PRIM2: variants seen among roughly 807,000 people sequenced by gnomAD.
The protein encoded by PRIM2 is DNA primase large subunit.
Under a neutral mutation model 67.3 loss-of-function variants are expected in PRIM2, and 39 were observed. The observed-to-expected ratio is 0.58, with a 90% CI of 0.45 to 0.76. The LOEUF is 0.76. PRIM2 is among the 30% of genes least tolerant of loss of function. The pLI is 0.00. For synonymous variants in PRIM2, 143 were observed against 198.7 expected (o/e 0.72, Z 2.36); for missense variants, 398 against 598.7 (o/e 0.66, Z 3.50).
intron 13 of PRIM2, among the ~76,000 whole-genome samples, chr6:57,633,834 A>G (rs1398670441): frequency 6.6e-6 from 1 of 152,196 alleles, no homozygotes; most frequent in Non-Finnish European, 1.5e-5. Flanking sequence ...GATGGGGAGT[A>G]GCTGTAAATA....
the PRIM2 span, among the ~76,000 whole-genome samples, chr6:57,280,621 G>A: frequency 1.3e-5 from 2 of 151,812 alleles, no homozygotes; most frequent in South Asian, 2.1e-4. Context: ...GCGATTCTCC[G>A]GCCTCAGCCT....
intron 5 of PRIM2, among the ~76,000 whole-genome samples, chr6:57,357,871 G>A (rs1769084486): frequency 1.3e-5 from 2 of 152,230 alleles, no homozygotes; most frequent in African/African-American, 2.4e-5. Context: ...TGGGGTTACA[G>A]GCATGAGCCA....
chr6:57,417,533 A>G (rs1771307910), intron 7 of PRIM2, among the ~76,000 whole-genome samples: 1 of 152,202 alleles, frequency 6.6e-6, no homozygotes, highest in African/African-American at 2.4e-5. Flanking sequence ...CTCAGAGAAT[A>G]GGGAAGCTCT....
chr6:57,308,599 A>G, the PRIM2 span, among the ~76,000 whole-genome samples: 2 of 152,206 alleles, frequency 1.3e-5, no homozygotes, highest in Non-Finnish European at 2.9e-5. Flanking sequence ...TTACCAGGTA[A>G]TGCCACATTT....
chr6:57,288,735 A>G, the PRIM2 span, among the ~76,000 whole-genome samples: 1 of 152,234 alleles, frequency 6.6e-6, no homozygotes, highest in Non-Finnish European at 1.5e-5. Flanking sequence ...GAAAACTAAC[A>G]AACAGAAAGA....
intron 10 of PRIM2, among the ~76,000 whole-genome samples, chr6:57,566,080 C>G (rs1775732417): frequency 6.7e-6 from 1 of 149,860 alleles, no homozygotes; most frequent in Admixed American, 6.7e-5. Flanking sequence ...AGCCCATTAA[C>G]TTGAAGAAAT....
intron 5 of PRIM2, among the ~76,000 whole-genome samples, chr6:57,367,671 G>A (rs999056004): frequency 8.5e-5 from 13 of 152,210 alleles, no homozygotes; most frequent in Admixed American, 8.5e-4. Flanking sequence ...GTCTGGTCTA[G>A]GATGTCTAAG....
chr6:57,412,744 A>G (rs1771132352), intron 7 of PRIM2, among the ~76,000 whole-genome samples: 1 of 152,136 alleles, frequency 6.6e-6, no homozygotes, highest in South Asian at 2.1e-4. Flanking sequence ...GAGTTATGCA[A>G]CAGAAATATT....
At chr6:57,328,089 G>T (rs966343055) in intron 5 of PRIM2, among the ~76,000 whole-genome samples, 10 of 152,176 alleles carry the variant, frequency 6.6e-5, no homozygotes, top group African/African-American at 2.4e-4. Context: ...TGTGCAGCCT[G>T]GTTCCTAATG....
At chr6:57,310,985 C>A (rs558674867), upstream of PRIM2, among the ~76,000 whole-genome samples, 1 of 144,060 alleles carries the variant, frequency 6.9e-6, no homozygotes, top group Non-Finnish European at 1.5e-5. Context: ...GAAGGGCGGC[C>A]GGGCAGAGAC....
chr6:57,600,142 T>C (rs1776434413), intron 10 of PRIM2, among the ~76,000 whole-genome samples: 1 of 152,190 alleles, frequency 6.6e-6, no homozygotes. Flanking sequence ...TCCTACAAAA[T>C]GCCTGGCACC....
intron 1 of PRIM2, 125 bp from the exon 2 acceptor site, chr6:57,318,312 T>G: frequency 1.1e-6 from 1 of 905,856 alleles, no homozygotes; most frequent in East Asian, 2.7e-5. Context: ...ACTGCTAACA[T>G]TTTGTGCATG....
chr6:57,239,276 C>T, the PRIM2 span, among the ~76,000 whole-genome samples: 1 of 152,198 alleles, frequency 6.6e-6, no homozygotes, highest in Non-Finnish European at 1.5e-5. Context: ...CAGGTGTGAG[C>T]CACCATGGCT....
At position 57,579,950 on chromosome 6, in the gene PRIM2, A is replaced by C. The variant is rs1423080224; in HGVS notation, c.1021-21143A>C. 1.4e-4 allele frequency among the ~76,000 whole-genome samples: 21 copies of C among 152,264 alleles called. 1 individual carries two copies. Among genetic ancestry groups the C allele is most frequent in the African/African-American group, 4.3e-4 (18 of 41,530 alleles). ...AAGGTATAGTCTACTAATATAAGGC[A>C]ATTCTAAACCTTTATGCACCCAGAA... On this transcript the variant is annotated intron_variant, in intron 10 of 13. Transcript: ENST00000615550.
intron 8 of PRIM2, among the ~76,000 whole-genome samples, chr6:57,510,224 T>A (rs2127460555): frequency 1.3e-5 from 2 of 152,304 alleles, no homozygotes; most frequent in Admixed American, 1.3e-4. Context: ...AGACAGTATC[T>A]GGTGTATGAT....
chr6:57,539,419 T>C (rs1775086942), intron 10 of PRIM2, among the ~76,000 whole-genome samples: 2 of 152,284 alleles, frequency 1.3e-5, no homozygotes, highest in South Asian at 2.1e-4. Flanking sequence ...TTGAAAGTGA[T>C]GTAATTTGTT....
rs1338690843 is a variant in PRIM2 at position 57,475,192 on chromosome 6, C to CT, written c.694-32189dup. On this transcript the variant is annotated intron_variant, in intron 7 of 13. Transcript: ENST00000615550. ...GCCTCCTCCCTTCCTCCTCCTACAA[C>CT]TTTTTTGTAATCAGTTTCGAAGTAT... 1.2e-4 allele frequency among the ~76,000 whole-genome samples: 18 copies of CT among 152,248 alleles called. No individual in the cohort carries two copies. The East Asian group carries it at 2.3e-3, about 20-fold the overall frequency.
chr6:57,549,954 A>T (rs2127474560), intron 10 of PRIM2, among the ~76,000 whole-genome samples: 1 of 152,216 alleles, frequency 6.6e-6, no homozygotes, highest in African/African-American at 2.4e-5. Context: ...GTATGCTGGT[A>T]CATACCTGTA....
At chr6:57,421,610 AAC>A (rs1231550904) in intron 7 of PRIM2, among the ~76,000 whole-genome samples, 1 of 152,188 alleles carries the variant, frequency 6.6e-6, no homozygotes, top group Non-Finnish European at 1.5e-5. Flanking sequence ...GATCATTGTT[AAC>A]AGTTTGACCT....
Sources: gnomAD v4.1 joint callset for allele counts (sites outside exome capture counted in the v4.1 genomes callset) on GRCh38, gnomAD v4.1.1 for gene constraint, MANE v1.5 for transcripts, NCBI Gene and HGNC (gene_info 2026-07-23, HGNC 2026-07-21) for gene names.